SLC25A24: variants seen among roughly 807,000 people sequenced by gnomAD.
SLC25A24 encodes the protein mitochondrial adenyl nucleotide antiporter SLC25A24.
Under a neutral mutation model 60.7 loss-of-function variants are expected in SLC25A24, and 49 were observed. The observed-to-expected ratio is 0.81, with a 90% confidence interval of 0.64 to 1.02. The LOEUF is 1.02. Ranked by LOEUF, SLC25A24 falls within the 50% of genes least tolerant of loss-of-function variation. The pLI is 0.00. For missense variants in SLC25A24, 564 were observed against 586.3 expected (o/e 0.96, Z 0.39); for synonymous variants, 202 against 200.6 (o/e 1.01, Z -0.06).
At chr1:108,161,349 C>T in intron 3 of SLC25A24, 56 bp from the exon 4 acceptor site, 1 of 861,968 alleles carries the variant, frequency 1.2e-6, no homozygotes, top group Non-Finnish European at 1.9e-6. Flanking sequence ...ATAAAACTAA[C>T]ATTATTGGCC....
chr1:108,147,519 A>T (rs1160198247), intron 7 of SLC25A24, among the ~76,000 whole-genome samples: 2 of 152,028 alleles, frequency 1.3e-5, no homozygotes, highest in East Asian at 3.9e-4. Context: ...TCGATTTTAG[A>T]TCTTTCTCAC....
chr1:108,173,390 G>T (rs1647552368), intron 3 of SLC25A24, among the ~76,000 whole-genome samples: 1 of 152,094 alleles, frequency 6.6e-6, no homozygotes, highest in Non-Finnish European at 1.5e-5. Context: ...TCTTCTTCCT[G>T]CCACCATGTG....
At chr1:108,147,903 C>T (rs1480963847) in intron 7 of SLC25A24, among the ~76,000 whole-genome samples, 2 of 152,088 alleles carry the variant, frequency 1.3e-5, no homozygotes, top group Non-Finnish European at 2.9e-5. Flanking sequence ...CACTCTCTCT[C>T]TCTCTCTCTG....
rs187850483 is a variant in SLC25A24 at position 108,139,450 on chromosome 1, C to G, written c.1099-242G>C. 3.5e-3 allele frequency among the ~76,000 whole-genome samples: 534 copies of G among 152,304 alleles called. 3 individuals carry two copies. The highest frequency in any genetic ancestry group is 0.012 in the African/African-American group (495 of 41,558). ...TTCTTCTAAACAAACGTGAACTGCGCAGCAAACGCTGCAGGATCTAAAGAA... is the reference window on the plus strand; with the variant it reads ...TTCTTCTAAACAAACGTGAACTGCGGAGCAAACGCTGCAGGATCTAAAGAA... On this transcript the variant is annotated intron_variant, in intron 8 of 9. Transcript: ENST00000565488.
Position 108,187,471 on chromosome 1 carries a change from G to T in SLC25A24, c.184-1517C>A, listed in dbSNP as rs1648172308. ...CAAATAACCAATGTCAGAAAGTAAA[G>T]ATGGAAACTACTAGACACTATAGAC... On this transcript the variant is annotated intron_variant, in intron 1 of 9. Transcript: ENST00000565488. 2.6e-5 allele frequency among the ~76,000 whole-genome samples: 4 copies of T among 152,012 alleles called. No individual in the cohort carries two copies. In the South Asian group the frequency reaches 8.3e-4, roughly 32 times the overall value.
At position 108,135,195 on chromosome 1, in the gene SLC25A24, G is replaced by A. The variant is rs576027657; in HGVS notation, c.*1458C>T. On this transcript the variant is annotated 3_prime_UTR_variant, in exon 10 of 10. Transcript: ENST00000565488. The stretch of plus-strand genomic sequence containing the variant: ...GCTTATCATATTATAAAAATACTGA[G>A]ACATTTATCAAACATAACTAATATA... The A allele has an allele frequency of 3.1e-4, 48 of 152,464 alleles. No homozygotes were observed. Among genetic ancestry groups the A allele is most frequent in the African/African-American group, 1.1e-3 (47 of 41,478 alleles). 9.4% of individuals were successfully genotyped at this position (152,464 alleles called of 1,614,324 possible). A position where few individuals can be genotyped will look rare whatever the true frequency, so the allele number is the denominator to read the frequency against.
chr1:108,141,500 A>C (rs1465282588), intron 8 of SLC25A24, among the ~76,000 whole-genome samples: 1 of 152,182 alleles, frequency 6.6e-6, no homozygotes, highest in Admixed American at 6.5e-5. Flanking sequence ...TTGACCCAGA[A>C]ATTCCACTTC....
chr1:108,136,907 G>A (rs1679305649), intron 9 of SLC25A24, 70 bp from the exon 10 acceptor site: 10 of 1,366,518 alleles, frequency 7.3e-6, no homozygotes, highest in Non-Finnish European at 9.2e-6. Context: ...AAACAATTAT[G>A]ACCCAGAATG....
chr1:108,166,933 T>C (rs1680272490), intron 3 of SLC25A24, among the ~76,000 whole-genome samples: 2 of 150,700 alleles, frequency 1.3e-5, no homozygotes, highest in African/African-American at 4.9e-5. Context: ...TATCTACTTT[T>C]GGTCTTTGAT....
In SLC25A24 at chr1:108,155,034, G is replaced by T; in HGVS notation, c.771C>A (p.Asn257Lys). The change falls in exon 6 of 10, where the codon AAC becomes AAA. Residue 257 changes from asparagine to lysine, a missense_variant. By Grantham distance (94) the Asn-to-Lys change is moderately conservative (BLOSUM62 0). Coordinates refer to ENST00000565488, the MANE Select transcript of SLC25A24 (RefSeq NM_013386.5). The part of the protein sequence containing the change: ...IRSLWRGNGT[N>K]VIKIAPETAV... ...CTGTCTCAGGAGCAATTTTGATGAC[G>T]TTTGTACCATTTCCCCTCCAAAGCG... The T allele has an allele frequency of 6.2e-7, 1 of 1,612,470 alleles. No individual in the cohort carries two copies. Among genetic ancestry groups the T allele is most frequent in the South Asian group, 1.1e-5 (1 of 90,844 alleles).
chr1:108,177,781 A>G (rs1647736165), intron 3 of SLC25A24, among the ~76,000 whole-genome samples: 1 of 152,216 alleles, frequency 6.6e-6, no homozygotes, highest in Non-Finnish European at 1.5e-5. Context: ...CACAATTTAT[A>G]TATTTTATAT....
chr1:108,163,938 T>C (rs1170531204), intron 3 of SLC25A24, among the ~76,000 whole-genome samples: 8 of 152,368 alleles, frequency 5.3e-5, no homozygotes, highest in East Asian at 3.9e-4. Flanking sequence ...TTGTCATAGA[T>C]AGCTGTTATT....
At chr1:108,160,775 C>T (rs1422635293) in intron 4 of SLC25A24, among the ~76,000 whole-genome samples, 1 of 152,234 alleles carries the variant, frequency 6.6e-6, no homozygotes, top group Admixed American at 6.5e-5. Flanking sequence ...TAGCGAAACC[C>T]CGTCTCCACC....
chr1:108,137,661 G>T (rs966763598), intron 9 of SLC25A24, among the ~76,000 whole-genome samples: 2 of 152,174 alleles, frequency 1.3e-5, no homozygotes, highest in Admixed American at 6.5e-5. Flanking sequence ...TCTATCAGCC[G>T]TATCAGTCAT....
chr1:108,155,973 A>G (rs922965430), intron 5 of SLC25A24, among the ~76,000 whole-genome samples: 20 of 151,880 alleles, frequency 1.3e-4, no homozygotes, highest in Non-Finnish European at 2.2e-4. Flanking sequence ...ACACACACAC[A>G]CACACACACA....
intron 6 of SLC25A24, among the ~76,000 whole-genome samples, chr1:108,149,837 G>T (rs1233335375): frequency 6.6e-6 from 1 of 152,186 alleles, no homozygotes; most frequent in Non-Finnish European, 1.5e-5. Context: ...GTGCCAGCCA[G>T]TTTCTGTTCC....
chr1:108,157,574 TC>T lies in SLC25A24; in HGVS notation c.556del (p.Glu186LysfsTer33). On this transcript the variant is annotated frameshift_variant, in exon 5 of 10. Transcript: ENST00000565488. LOFTEE classifies it high-confidence loss of function. ...DSLTIPDEFT[E>X]DEKKSGQWWR... ...CCATTGTCCGGATTTTTTTTCGTCT[TC>T]CGTGAATTCATCTGGAATAGTTAAG... 2 of 1,614,162 alleles carry T rather than the reference TC, an allele frequency of 1.2e-6. No homozygotes were observed. Among genetic ancestry groups the T allele is most frequent in the South Asian group, 2.2e-5 (2 of 91,072 alleles).
At chr1:108,160,964 G>A (rs914495166) in intron 4 of SLC25A24, among the ~76,000 whole-genome samples, 5 of 152,024 alleles carry the variant, frequency 3.3e-5, no homozygotes, top group Non-Finnish European at 7.4e-5. Flanking sequence ...GGGAGACCGT[G>A]GGGAGGGGGA....
At position 108,197,682 on chromosome 1, in the gene SLC25A24, G is replaced by A. The variant is rs558374474; in HGVS notation, c.183+2274C>T. Among the ~76,000 whole-genome samples, 7 of 152,354 alleles carry A rather than the reference G, an allele frequency of 4.6e-5. No homozygotes were observed. The South Asian group carries it at 6.2e-4, about 14-fold the overall frequency. On this transcript the variant is annotated intron_variant, in intron 1 of 9. Coordinates refer to ENST00000565488, the MANE Select transcript of SLC25A24 (RefSeq NM_013386.5). ...TGTGTCTGTGAGGATGTCTCTGGAG[G>A]AGGGTAGCATTTGAATCAGTAAACC...
Sources: gnomAD v4.1 joint callset for allele counts (sites outside exome capture counted in the v4.1 genomes callset) on GRCh38, gnomAD v4.1.1 for gene constraint, MANE v1.5 for transcripts, NCBI Gene and HGNC (gene_info 2026-07-23, HGNC 2026-07-21) for gene names.